The following HDAC9 variants were observed in gnomAD, a reference collection of about 807,000 sequenced individuals.
The protein encoded by HDAC9 is histone deacetylase 9.
In HDAC9, 41 loss-of-function variants were observed where a neutral mutation model predicts 139.4. That is an observed-to-expected ratio of 0.29 (90% CI 0.23 to 0.38). The LOEUF (loss-of-function observed/expected upper bound fraction) is 0.38. Among genes scored for constraint, HDAC9 ranks in the 10% least tolerant of loss-of-function variants. The pLI, the probability that HDAC9 is intolerant of heterozygous loss-of-function variation, is 1.00. For synonymous variants in HDAC9, 517 were observed against 476.2 expected, an observed-to-expected ratio of 1.09 and a Z score of -1.12; for missense variants, 1,147 against 1,297.0, an observed-to-expected ratio of 0.88 and a Z score of 1.78.
At chr7:18,152,678 G>C (rs1296538371) in intron 1 of HDAC9, among the ~76,000 whole-genome samples, 2 of 152,222 alleles carry the variant, frequency 1.3e-5, no homozygotes, top group Middle Eastern at 3.4e-3. Flanking sequence ...AACTCCCCCA[G>C]CTCTGAACAT....
At chr7:18,278,645 C>G (rs1367292879) in intron 2 of HDAC9, among the ~76,000 whole-genome samples, 5 of 152,054 alleles carry the variant, frequency 3.3e-5, no homozygotes, top group African/African-American at 1.2e-4. Context: ...AAGAGAAGTA[C>G]TTAAAATTCT....
chr7:18,274,026 G>A (rs1391098462), intron 2 of HDAC9, among the ~76,000 whole-genome samples: 3 of 152,222 alleles, frequency 2.0e-5, no homozygotes, highest in Middle Eastern at 3.4e-3. Context: ...ACCTATATAT[G>A]TAGTAAAGTT....
chr7:18,708,769 G>A (rs955648575), intron 12 of HDAC9, among the ~76,000 whole-genome samples: 5 of 152,106 alleles, frequency 3.3e-5, no homozygotes, highest in South Asian at 2.1e-4. Context: ...ATTAGCTGAT[G>A]TCTCTATGGA....
chr7:18,393,489 T>C (rs1414146900), intron 1 of HDAC9, among the ~76,000 whole-genome samples: 1 of 152,112 alleles, frequency 6.6e-6, no homozygotes, highest in Non-Finnish European at 1.5e-5. Context: ...TTTCTAGATA[T>C]TTGAAATATT....
At chr7:18,126,058 A>G (rs977305088) in intron 1 of HDAC9, among the ~76,000 whole-genome samples, 4 of 152,106 alleles carry the variant, frequency 2.6e-5, no homozygotes, top group African/African-American at 9.7e-5. Flanking sequence ...TGTATGAGAA[A>G]TTCTTTCCTA....
At chr7:18,138,652 C>G (rs988090928) in intron 1 of HDAC9, among the ~76,000 whole-genome samples, 2 of 151,764 alleles carry the variant, frequency 1.3e-5, no homozygotes, top group Non-Finnish European at 2.9e-5. Context: ...AGGCTGCAAC[C>G]TTTCTAGGAA....
At chr7:18,112,366 A>G (rs919853186) in intron 1 of HDAC9, among the ~76,000 whole-genome samples, 1 of 152,180 alleles carries the variant, frequency 6.6e-6, no homozygotes, top group Non-Finnish European at 1.5e-5. Flanking sequence ...TGCGGACTAC[A>G]GTTAAACTTG....
At chr7:18,784,577 T>A (rs1791536498) in intron 16 of HDAC9, among the ~76,000 whole-genome samples, 1 of 152,048 alleles carries the variant, frequency 6.6e-6, no homozygotes, top group Non-Finnish European at 1.5e-5. Flanking sequence ...CAGAGACTTC[T>A]GGATAGGAGA....
intron 1 of HDAC9, among the ~76,000 whole-genome samples, chr7:18,473,192 C>A (rs1272201706): frequency 6.6e-6 from 1 of 152,160 alleles, no homozygotes; most frequent in African/African-American, 2.4e-5. Flanking sequence ...TTTGCAGCAA[C>A]TTTTATACCC....
intron 9 of HDAC9, 111 bp downstream of exon 9, chr7:18,644,904 GCATCTCCTTCACTGTTTGCT>G: frequency 1.9e-6 from 2 of 1,042,818 alleles, no homozygotes; most frequent in African/African-American, 1.6e-5. Flanking sequence ...GACAGAGCCA[GCATCTCCTTCACTGTTTGCT>G]ATTTGCTGTG....
intron 13 of HDAC9, among the ~76,000 whole-genome samples, chr7:18,728,440 C>CACACAA: frequency 7.0e-6 from 1 of 143,312 alleles, no homozygotes; most frequent in East Asian, 2.0e-4. Flanking sequence ...CACACACACA[C>CACACAA]ACACACAAAG....
chr7:18,387,505 C>A (rs193275443), intron 1 of HDAC9, among the ~76,000 whole-genome samples: 157 of 152,218 alleles, frequency 1.0e-3, no homozygotes, highest in Admixed American at 2.9e-3. Context: ...GGGCTTTTCC[C>A]GAAATGCCAT....
intron 25 of HDAC9, among the ~76,000 whole-genome samples, chr7:18,978,533 CA>C (rs1232302986): frequency 2.9e-4 from 44 of 152,028 alleles, no homozygotes; most frequent in Non-Finnish European, 4.3e-4. Context: ...AAACATAACA[CA>C]TACTTTTCTG....
At chr7:18,535,722 C>CAAA (rs72123660) in intron 2 of HDAC9, among the ~76,000 whole-genome samples, 5 of 49,230 alleles carry the variant, frequency 1.0e-4, no homozygotes, top group Non-Finnish European at 1.8e-4. Flanking sequence ...AGGCATTAAG[C>CAAA]AAAAAAAAAA....
intron 12 of HDAC9, among the ~76,000 whole-genome samples, chr7:18,727,256 G>C (rs781030533): frequency 6.6e-6 from 1 of 152,152 alleles, no homozygotes; most frequent in Non-Finnish European, 1.5e-5. Context: ...TTGGTATCTA[G>C]GTAGGAAATG....
chr7:18,721,176 A>G (rs1280321480), intron 12 of HDAC9, among the ~76,000 whole-genome samples: 2 of 152,144 alleles, frequency 1.3e-5, no homozygotes, highest in African/African-American at 2.4e-5. Flanking sequence ...ATTAATATGT[A>G]TAAATATTAC....
intron 24 of HDAC9, among the ~76,000 whole-genome samples, chr7:18,972,968 G>A (rs954698518): frequency 1.3e-5 from 2 of 152,132 alleles, no homozygotes; most frequent in African/African-American, 4.8e-5. Flanking sequence ...CTTTTAAGCT[G>A]AGAATTTTAT....
At chr7:18,244,994 C>CCTCTATCTATCTGTCTATCT (rs71553924) in intron 2 of HDAC9, among the ~76,000 whole-genome samples, 1 of 147,960 alleles carries the variant, frequency 6.8e-6, no homozygotes, top group Admixed American at 6.8e-5. Context: ...ATCTAATCTG[C>CCTCTATCTATCTGTCTATCT]ATCTATCTAT....
At chr7:18,629,559 T>A (rs1039364792) in intron 7 of HDAC9, 78 bp downstream of exon 7, 3 of 1,320,752 alleles carry the variant, frequency 2.3e-6, no homozygotes, top group Non-Finnish European at 3.1e-6. Flanking sequence ...ATATACCTGC[T>A]GCATATTAAA....
Sources: gnomAD v4.1 joint callset for allele counts (sites outside exome capture counted in the v4.1 genomes callset) on GRCh38, gnomAD v4.1.1 for gene constraint, MANE v1.5 for transcripts, NCBI Gene and HGNC (gene_info 2026-07-23, HGNC 2026-07-21) for gene names.